Variants in ARHGAP10 observed in about 807,000 individuals in gnomAD.
ARHGAP10 encodes rho GTPase-activating protein 10.
A neutral mutation model predicts 108.6 loss-of-function variants in ARHGAP10; 87 were observed. That is an observed-to-expected ratio of 0.80 (90% confidence interval 0.67 to 0.96). ARHGAP10 has a LOEUF of 0.96. Ranked by LOEUF, ARHGAP10 falls within the 40% of genes least tolerant of loss-of-function variation. ARHGAP10 has a pLI of 0.00. For missense variants in ARHGAP10, 939 were observed against 954.5 expected (o/e 0.98, Z 0.21); for synonymous variants, 347 against 341.1 (o/e 1.02, Z -0.19).
intron 15 of ARHGAP10, among the ~76,000 whole-genome samples, chr4:147,947,344 T>A (rs1738426654): frequency 6.6e-6 from 1 of 151,984 alleles, no homozygotes; most frequent in Non-Finnish European, 1.5e-5. Context: ...GTAGTTTTTT[T>A]ATATGCTGTG....
intron 1 of ARHGAP10, among the ~76,000 whole-genome samples, chr4:147,780,400 A>G (rs2126728872): frequency 6.6e-6 from 1 of 152,200 alleles, no homozygotes; most frequent in Non-Finnish European, 1.5e-5. Context: ...TAGCCCCGCT[A>G]AGGGTGAAAC....
At chr4:147,823,067 T>C (rs1416066887) in intron 3 of ARHGAP10, 110 bp downstream of exon 3, 3 of 1,100,996 alleles carry the variant, frequency 2.7e-6, no homozygotes, top group Admixed American at 2.3e-5. Flanking sequence ...CTGGGTACAG[T>C]AGTGCATTGT....
chr4:148,009,880 A>G (rs1741103824), intron 18 of ARHGAP10, among the ~76,000 whole-genome samples: 1 of 152,212 alleles, frequency 6.6e-6, no homozygotes, highest in African/African-American at 2.4e-5. Context: ...AGCGTAGGTG[A>G]CTTTATTCAG....
At chr4:147,868,637 C>G (rs186905421) in intron 7 of ARHGAP10, among the ~76,000 whole-genome samples, 2 of 152,040 alleles carry the variant, frequency 1.3e-5, no homozygotes, top group Non-Finnish European at 2.9e-5. Flanking sequence ...TTTTTGGCAC[C>G]GGGGACTGGT....
intron 10 of ARHGAP10, among the ~76,000 whole-genome samples, chr4:147,892,569 C>T (rs1218563490): frequency 6.7e-6 from 1 of 150,338 alleles, no homozygotes; most frequent in East Asian, 1.9e-4. Flanking sequence ...AGTTGAGCAG[C>T]ATGGGGGAGT....
chr4:147,784,886 A>G (rs1304264711), intron 1 of ARHGAP10, among the ~76,000 whole-genome samples: 2 of 120,882 alleles, frequency 1.7e-5, no homozygotes, highest in East Asian at 2.2e-4. Flanking sequence ...TTATAAATAT[A>G]TTATAAAATA....
intron 1 of ARHGAP10, among the ~76,000 whole-genome samples, chr4:147,769,548 G>A (rs1263176739): frequency 1.3e-5 from 2 of 152,082 alleles, no homozygotes; most frequent in East Asian, 1.9e-4. Context: ...GGGGATTTCC[G>A]TATGTTAACA....
Position 148,065,594 on chromosome 4 carries a change from C to T in ARHGAP10, c.2272+1087C>T, listed in dbSNP as rs1360324331. On this transcript the variant is annotated intron_variant, in intron 22 of 22. Transcript: ENST00000336498. ...GCAGTTTTGCCAAGAGAATGTGGAACGTAGCTGCCCTGCCCCAGGCCTGTC... is the reference window on the plus strand; with the variant it reads ...GCAGTTTTGCCAAGAGAATGTGGAATGTAGCTGCCCTGCCCCAGGCCTGTC... 5.9e-5 allele frequency: 9 copies of T among 152,248 alleles called. No individual in the cohort carries two copies. The East Asian group carries it at 1.2e-3, about 20-fold the overall frequency. The allele number at this position is 152,248 out of a possible 1,614,324, so 9.4% of individuals were successfully genotyped here. A position where few individuals can be genotyped will look rare whatever the true frequency, so the allele number is the denominator to read the frequency against.
intron 11 of ARHGAP10, among the ~76,000 whole-genome samples, chr4:147,907,326 G>T (rs886403996): frequency 6.6e-6 from 1 of 152,180 alleles, no homozygotes; most frequent in Non-Finnish European, 1.5e-5. Context: ...GCTTTTGAGA[G>T]TTGAGAATGT....
chr4:147,809,832 C>T (rs1731940978), intron 1 of ARHGAP10, among the ~76,000 whole-genome samples: 1 of 152,206 alleles, frequency 6.6e-6, no homozygotes, highest in African/African-American at 2.4e-5. Flanking sequence ...TAGGGTCACG[C>T]TCCTCTGAGA....
At chr4:147,897,954 C>T (rs1048653719) in intron 10 of ARHGAP10, among the ~76,000 whole-genome samples, 4 of 152,102 alleles carry the variant, frequency 2.6e-5, no homozygotes, top group African/African-American at 9.7e-5. Flanking sequence ...CCTGGGTTCA[C>T]GCCATTCTCC....
Position 148,072,067 on chromosome 4 carries a change from G to A in ARHGAP10, c.2347G>A (p.Val783Ile), listed in dbSNP as rs547309760. The change falls in exon 23 of 23, where the codon GTC (valine) becomes ATC (isoleucine). Residue 783 changes from valine (V) to isoleucine (I), a missense_variant. Transcript: ENST00000336498. ...GKRGLIPQNY[V>I]KLL is the part of the protein sequence containing the mutation. ...GAGGGGGCTGATTCCACAGAACTACGTCAAGCTGCTGTAGCTCCTGGCCTC... is the reference window on the plus strand; with the variant it reads ...GAGGGGGCTGATTCCACAGAACTACATCAAGCTGCTGTAGCTCCTGGCCTC... 1.9e-5 allele frequency: 30 copies of A among 1,613,034 alleles called. No individual in the cohort carries two copies. The highest frequency in any genetic ancestry group is 8.0e-5 in the African/African-American group (6 of 75,000).
chr4:147,963,150 T>G (rs1422122852), intron 16 of ARHGAP10, among the ~76,000 whole-genome samples: 1 of 152,256 alleles, frequency 6.6e-6, no homozygotes, highest in East Asian at 1.9e-4. Flanking sequence ...AGACAACTTC[T>G]TCAAACTGGC....
intron 18 of ARHGAP10, among the ~76,000 whole-genome samples, chr4:148,016,032 G>A (rs1741331969): frequency 6.6e-6 from 1 of 152,202 alleles, no homozygotes; most frequent in Admixed American, 6.5e-5. Context: ...GACATGTACA[G>A]TGGAGTGAGG....
chr4:147,952,628 A>G (rs1449137910), intron 15 of ARHGAP10, among the ~76,000 whole-genome samples: 1 of 152,066 alleles, frequency 6.6e-6, no homozygotes, highest in East Asian at 1.9e-4. Context: ...ATTATGTTTT[A>G]AAAGTTAAAA....
At chr4:147,750,731 A>T (rs1729106171) in intron 1 of ARHGAP10, among the ~76,000 whole-genome samples, 1 of 151,468 alleles carries the variant, frequency 6.6e-6, no homozygotes, top group Non-Finnish European at 1.5e-5. Flanking sequence ...CCTCCTGAGT[A>T]GCTGGGACTA....
chr4:147,914,962 A>G (rs1736904470), intron 13 of ARHGAP10, among the ~76,000 whole-genome samples: 1 of 152,172 alleles, frequency 6.6e-6, no homozygotes, highest in Non-Finnish European at 1.5e-5. Context: ...GGAGGTTGAC[A>G]TTCTCTTTGT....
intron 18 of ARHGAP10, among the ~76,000 whole-genome samples, chr4:147,979,628 A>G (rs966625844): frequency 6.6e-6 from 1 of 152,096 alleles, no homozygotes; most frequent in Non-Finnish European, 1.5e-5. Context: ...TTTGGGCGGT[A>G]TGGAGATTTT....
chr4:147,950,429 G>C (rs1305285769), intron 15 of ARHGAP10, among the ~76,000 whole-genome samples: 3 of 152,168 alleles, frequency 2.0e-5, no homozygotes, highest in Non-Finnish European at 4.4e-5. Flanking sequence ...TGCCTGCCAG[G>C]GTTGGAGCCC....
Sources: allele counts gnomAD v4.1 joint callset (sites outside exome capture counted in the v4.1 genomes callset), GRCh38; gene constraint gnomAD v4.1.1; transcripts MANE v1.5; gene names NCBI Gene and HGNC (gene_info 2026-07-23, HGNC 2026-07-21).